Variants in F2 observed in about 807,000 individuals in gnomAD.
F2 encodes coagulation factor II, thrombin.
F2 carries 34 observed loss-of-function variants against 81.9 expected under a neutral mutation model. The observed-to-expected ratio is 0.42, with a 90% CI of 0.32 to 0.55. The LOEUF is 0.55. Among genes scored for constraint, F2 ranks in the 20% least tolerant of loss-of-function variants. The pLI is 0.18. For missense variants in F2, 630 were observed against 833.4 expected, an observed-to-expected ratio of 0.76 and a Z score of 3.00; for synonymous variants, 296 against 326.4, an observed-to-expected ratio of 0.91 and a Z score of 1.01.
At chr11:46,732,811 T>C (rs1196617448) in intron 12 of F2, among the ~76,000 whole-genome samples, 1 of 152,222 alleles carries the variant, frequency 6.6e-6, no homozygotes. Flanking sequence ...CTGTCATTCT[T>C]TGAGTACTTT....
rs1296210949 is a variant in F2, at chr11:46,719,862, G to A, written c.240G>A (p.Thr80=). The change falls in exon 2 of 14, where the codon ACG becomes ACA. Residue 80 remains threonine (T), a splice_region_variant and synonymous_variant. Coordinates refer to ENST00000311907, the MANE Select transcript of F2 (RefSeq NM_000506.5). This position sits in a 1 kb window ranked among gnomAD's most constrained non-coding sequence, Gnocchi z 4.7. ...AGGCTCTGGAGTCCTCCACGGCTAC[G>A]GTGAGCCTGGGCTGCTCGGACGGTG... ...AFEALESSTA[T]DVFWAKYTAC... is the part of the protein sequence containing the mutation. 4 of 1,562,076 alleles carry A rather than the reference G, an allele frequency of 2.6e-6. No homozygotes were observed. Among genetic ancestry groups the A allele is most frequent in the Admixed American group, 1.9e-5 (1 of 52,122 alleles).
rs1363671370 is a variant in F2 at position 46,739,283 on chromosome 11, T to A, written c.1744T>A (p.Trp582Arg). The A allele has an allele frequency of 1.2e-6, 2 of 1,613,970 alleles. No individual in the cohort carries two copies. Reference protein sequence around the residue: ...FVMKSPFNNRWYQMGIVSWGE... With the variant: ...FVMKSPFNNRRYQMGIVSWGE... The stretch of plus-strand genomic sequence containing the variant: ...TCTTCAGAGCCCCTTTAACAACCGC[T>A]GGTATCAAATGGGCATCGTCTCATG... The change falls in exon 14 of 14, where the codon TGG becomes AGG. Residue 582 changes from tryptophan (W) to arginine (R), a missense_variant. Transcript: ENST00000311907.
At position 46,723,660 on chromosome 11, in the gene F2, G is replaced by A; in HGVS notation, c.559+142G>A. On this transcript the variant is annotated intron_variant, in intron 6 of 13. Transcript: ENST00000311907. The surrounding 1 kb of genome is among the most constrained non-coding windows in gnomAD (Gnocchi z 5.6). ...AATCCCAGCACTTTGGGAGGCTGAG[G>A]CAGGCAGATCACCTGAGGTCAGGGG... 1 of 1,105,804 alleles carries A rather than the reference G, an allele frequency of 9.0e-7. No individual in the cohort carries two copies. Among genetic ancestry groups the A allele is most frequent in the Non-Finnish European group, 1.3e-6 (1 of 775,304 alleles). The allele number at this position is 1,105,804 out of a possible 1,614,324, so 68.5% of individuals were successfully genotyped here.
chr11:46,726,960 CCCA>C lies in F2; in HGVS notation c.1130+127_1130+129del. ...ATGACAACAGCTGAGCATCCAGGATCCCACCAACTCCACACAGCAGCCACATGA... is the reference window on the plus strand; with the variant it reads ...ATGACAACAGCTGAGCATCCAGGATCCCAACTCCACACAGCAGCCACATGA... On this transcript the variant is annotated intron_variant, in intron 9 of 13. Coordinates refer to ENST00000311907, the MANE Select transcript of F2 (RefSeq NM_000506.5). The surrounding 1 kb of genome is among the most constrained non-coding windows in gnomAD (Gnocchi z 5.9). 1 of 1,443,114 alleles carries C rather than the reference CCCA, an allele frequency of 6.9e-7. No homozygotes were observed. Among genetic ancestry groups the C allele is most frequent in the Non-Finnish European group, 9.6e-7 (1 of 1,046,930 alleles). The allele number at this position is 1,443,114 out of a possible 1,614,324, so 89.4% of individuals were successfully genotyped here. A position where few individuals can be genotyped will look rare whatever the true frequency, so the allele number is the denominator to read the frequency against.
At chr11:46,732,507 C>T (rs892431040) in intron 12 of F2, among the ~76,000 whole-genome samples, 1 of 151,608 alleles carries the variant, frequency 6.6e-6, no homozygotes, top group African/African-American at 2.4e-5. Context: ...AAGCAATTCT[C>T]CTGCCTCAGC....
In F2 at chr11:46,726,429, T is replaced by C. The variant is rs1799867; in HGVS notation, c.875-69T>C. ...ATGGCCTCCAAGGCCCGTAGGGGAA[T>C]TGGGGGGATCTAGGGGATGGGTGAG... On this transcript the variant is annotated intron_variant, in intron 7 of 13. Transcript: ENST00000311907. The surrounding 1 kb of genome is among the most constrained non-coding windows in gnomAD (Gnocchi z 5.9). 248,588 of 1,575,318 alleles carry C rather than the reference T, an allele frequency of 0.16. 26,812 individuals carry two copies. Among genetic ancestry groups the C allele is most frequent in the East Asian group, 0.61 (25,801 of 42,612 alleles).
chr11:46,735,323 A>AC (rs2064937303), intron 12 of F2, among the ~76,000 whole-genome samples: 1 of 151,706 alleles, frequency 6.6e-6, no homozygotes, highest in Non-Finnish European at 1.5e-5. Flanking sequence ...TGCCTGTAGT[A>AC]CCAGCTACTC....
chr11:46,729,776 A>G (rs2064899253), intron 12 of F2, among the ~76,000 whole-genome samples: 2 of 152,214 alleles, frequency 1.3e-5, no homozygotes, highest in Admixed American at 1.3e-4. Context: ...GCATAGTATC[A>G]GTCACCAGTG....
chr11:46,733,786 T>TC (rs1364583176), intron 12 of F2, among the ~76,000 whole-genome samples: 2 of 124,236 alleles, frequency 1.6e-5, no homozygotes, highest in African/African-American at 5.6e-5. Context: ...AAGGACCTTT[T>TC]TTTTTTTTTT....
chr11:46,728,491 G>A lies in F2; in HGVS notation c.1299-173G>A, dbSNP rs537562380. On this transcript the variant is annotated intron_variant, in intron 10 of 13. Transcript: ENST00000311907. The surrounding 1 kb of genome is among the most constrained non-coding windows in gnomAD (Gnocchi z 5.1). ...GCTGTCTGACTCCAAAGCCCTGCAC[G>A]GCTTTAGGCCCAGGAAGAAACACCC... Among the ~76,000 whole-genome samples, 1 of 152,264 alleles carries A rather than the reference G, an allele frequency of 6.6e-6. No individual in the cohort carries two copies. Among genetic ancestry groups the A allele is most frequent in the South Asian group, 2.1e-4 (1 of 4,830 alleles).
rs1428057675 is a variant in F2 at position 46,726,600 on chromosome 11, C to T, written c.977C>T (p.Pro326Leu). 3.7e-6 allele frequency: 6 copies of T among 1,614,160 alleles called. No individual in the cohort carries two copies. Among genetic ancestry groups the T allele is most frequent in the East Asian group, 2.2e-5 (1 of 44,872 alleles). The change falls in exon 8 of 14, where the codon CCG becomes CTG. Residue 326 changes from proline (P) to leucine (L), a missense_variant. Coordinates refer to ENST00000311907, the MANE Select transcript of F2 (RefSeq NM_000506.5). The surrounding 1 kb of genome is among the most constrained non-coding windows in gnomAD (Gnocchi z 5.9). The stretch of plus-strand genomic sequence containing the variant: ...AGTGAGTACCAGACTTTCTTCAATC[C>T]GAGGACCTTTGGCTCGGGAGAGGCA... ...ATSEYQTFFN[P>L]RTFGSGEADC...
rs190404564 is a variant in F2 at position 46,730,271 on chromosome 11, C to T, written c.1654+710C>T. On this transcript the variant is annotated intron_variant, in intron 12 of 13. Coordinates refer to ENST00000311907, the MANE Select transcript of F2 (RefSeq NM_000506.5). ...GCTGAGATCGGGCATCATTGCACTC[C>T]AGCTGGGCAACACAGCAAGACTCCA... is the stretch of plus-strand genomic sequence containing the variant. Among the ~76,000 whole-genome samples, 25 of 152,162 alleles carry T rather than the reference C, an allele frequency of 1.6e-4. No individual in the cohort carries two copies. In the East Asian group the frequency reaches 4.3e-3, roughly 26 times the overall value.
At chr11:46,738,713 G>A (rs887294685) in intron 12 of F2, among the ~76,000 whole-genome samples, 19 of 152,146 alleles carry the variant, frequency 1.2e-4, no homozygotes, top group Admixed American at 2.0e-4. Context: ...TGATCCACCC[G>A]GCTTGGGCAT....
At position 46,728,023 on chromosome 11, in the gene F2, C is replaced by G. The variant is rs760152916; in HGVS notation, c.1158C>G (p.Pro386=). 2 of 1,610,930 alleles carry G rather than the reference C, an allele frequency of 1.2e-6. No individual in the cohort carries two copies. Among genetic ancestry groups the G allele is most frequent in the Non-Finnish European group, 1.7e-6 (2 of 1,179,056 alleles). ...AGGTGATGCTTTTCCGGAAGAGTCC[C>G]CAGGAGCTGCTGTGTGGGGCCAGCC... ...PWQVMLFRKS[P]QELLCGASLI... The change falls in exon 10 of 14, where the codon CCC becomes CCG. Residue 386 remains proline (P), a synonymous_variant. Transcript: ENST00000311907. This position sits in a 1 kb window ranked among gnomAD's most constrained non-coding sequence, Gnocchi z 5.1.
chr11:46,728,113 C>T lies in F2; in HGVS notation c.1248C>T (p.Asn416=). 1 of 1,611,124 alleles carries T rather than the reference C, an allele frequency of 6.2e-7. No homozygotes were observed. Among genetic ancestry groups the T allele is most frequent in the Non-Finnish European group, 8.5e-7 (1 of 1,179,074 alleles). The part of the protein sequence containing the change: ...HCLLYPPWDK[N]FTENDLLVRI... ...TCCTGTACCCGCCCTGGGACAAGAACTTCACCGAGAATGACCTTCTGGTGC... is the reference window on the plus strand; with the variant it reads ...TCCTGTACCCGCCCTGGGACAAGAATTTCACCGAGAATGACCTTCTGGTGC... The change falls in exon 10 of 14, where the codon AAC becomes AAT. Residue 416 remains asparagine (N), a synonymous_variant. Transcript: ENST00000311907. This position sits in a 1 kb window ranked among gnomAD's most constrained non-coding sequence, Gnocchi z 5.1.
Position 46,728,200 on chromosome 11 carries a change from T to C in F2, c.1298+37T>C. On this transcript the variant is annotated intron_variant, in intron 10 of 13. Coordinates refer to ENST00000311907, the MANE Select transcript of F2 (RefSeq NM_000506.5). This position sits in a 1 kb window ranked among gnomAD's most constrained non-coding sequence, Gnocchi z 5.1. ...GTGGCCCGTGGGTGTCTGGCAGGGGTCTGAGTCCTCCAAAGCGATCATGAG... is the reference window on the plus strand; with the variant it reads ...GTGGCCCGTGGGTGTCTGGCAGGGGCCTGAGTCCTCCAAAGCGATCATGAG... The C allele has an allele frequency of 1.3e-6, 2 of 1,590,658 alleles. No homozygotes were observed. Among genetic ancestry groups the C allele is most frequent in the African/African-American group, 1.3e-5 (1 of 74,376 alleles).
At chr11:46,731,570 A>AG (rs201938222) in intron 12 of F2, among the ~76,000 whole-genome samples, 9,156 of 134,366 alleles carry the variant, frequency 0.068, 341 homozygotes, top group Non-Finnish European at 0.091. Context: ...TGTCTTTTAT[A>AG]GGGAAAAAAA....
Position 46,726,601 on chromosome 11 carries a change from G to T in F2, c.978G>T (p.Pro326=). 6.2e-7 allele frequency: 1 copy of T among 1,614,162 alleles called. No homozygotes were observed. The highest frequency in any genetic ancestry group is 1.1e-5 in the South Asian group (1 of 91,074). ...GTGAGTACCAGACTTTCTTCAATCC[G>T]AGGACCTTTGGCTCGGGAGAGGCAG... is the stretch of plus-strand genomic sequence containing the variant. The part of the protein sequence containing the change: ...ATSEYQTFFN[P]RTFGSGEADC... Residue 326 remains proline (P), a synonymous_variant, in exon 8 of 14, where the codon CCG becomes CCT. Coordinates refer to ENST00000311907, the MANE Select transcript of F2 (RefSeq NM_000506.5). This position sits in a 1 kb window ranked among gnomAD's most constrained non-coding sequence, Gnocchi z 5.9.
chr11:46,728,317 A>C lies in F2; in HGVS notation c.1298+154A>C, dbSNP rs1301206643. On this transcript the variant is annotated intron_variant, in intron 10 of 13. Coordinates refer to ENST00000311907, the MANE Select transcript of F2 (RefSeq NM_000506.5). The surrounding 1 kb of genome is among the most constrained non-coding windows in gnomAD (Gnocchi z 5.1). ...TCTCTGCTGGAAAGCCCATTTGGTCACGTCCTGACTGAGGCTTGGAGCTGC... is the reference window on the plus strand; with the variant it reads ...TCTCTGCTGGAAAGCCCATTTGGTCCCGTCCTGACTGAGGCTTGGAGCTGC... Among the ~76,000 whole-genome samples the C allele has an allele frequency of 6.6e-6, 1 of 152,188 alleles. No individual in the cohort carries two copies. The highest frequency in any genetic ancestry group is 1.5e-5 in the Non-Finnish European group (1 of 68,016).
Sources: allele counts gnomAD v4.1 joint callset (sites outside exome capture counted in the v4.1 genomes callset), GRCh38; gene constraint gnomAD v4.1.1; non-coding constraint Gnocchi (gnomAD v3.1); transcripts MANE v1.5; gene names NCBI Gene and HGNC (gene_info 2026-07-23, HGNC 2026-07-21).